The following SPATS2L variants were observed in gnomAD, a reference collection of about 807,000 sequenced individuals.
The protein encoded by SPATS2L is spermatogenesis associated serine rich 2 like.
A neutral mutation model predicts 59.6 loss-of-function variants in SPATS2L; 30 were observed. The observed-to-expected ratio is 0.50, with a 90% confidence interval of 0.38 to 0.68. The LOEUF is 0.68. Among genes scored for constraint, SPATS2L ranks in the 30% least tolerant of loss-of-function variants. The pLI is 0.00. For missense variants in SPATS2L, 615 were observed against 700.0 expected (o/e 0.88, Z 1.37); for synonymous variants, 252 against 263.5 (o/e 0.96, Z 0.42).
At chr2:200,388,157 T>G (rs1256730913) in intron 2 of SPATS2L, among the ~76,000 whole-genome samples, 2 of 152,142 alleles carry the variant, frequency 1.3e-5, no homozygotes, top group East Asian at 3.9e-4. Context: ...CATGATATGT[T>G]GGTAAGTGAA....
intron 6 of SPATS2L, among the ~76,000 whole-genome samples, chr2:200,425,484 GC>G (rs1193831317): frequency 6.6e-6 from 1 of 152,086 alleles, no homozygotes; most frequent in East Asian, 1.9e-4. Context: ...TCAAATCTTG[GC>G]CTCATCACTT....
At chr2:200,353,176 G>C (rs372573137) in intron 2 of SPATS2L, among the ~76,000 whole-genome samples, 11 of 152,200 alleles carry the variant, frequency 7.2e-5, no homozygotes, top group Non-Finnish European at 1.6e-4. Flanking sequence ...GAGGAGCAAA[G>C]AAGAGGAGAT....
At chr2:200,397,108 T>C (rs1372387902) in intron 3 of SPATS2L, among the ~76,000 whole-genome samples, 1 of 152,214 alleles carries the variant, frequency 6.6e-6, no homozygotes, top group Non-Finnish European at 1.5e-5. Context: ...CCAGGCTACA[T>C]GATCGGAATT....
chr2:200,329,529 G>A (rs1238525934), intron 2 of SPATS2L, 49 bp downstream of exon 2: 23 of 1,502,764 alleles, frequency 1.5e-5, no homozygotes, highest in African/African-American at 2.8e-5. Context: ...CTGCTGCCAT[G>A]GCCAGCTGTC....
At chr2:200,423,078 C>T (rs2106023452) in intron 6 of SPATS2L, among the ~76,000 whole-genome samples, 1 of 152,276 alleles carries the variant, frequency 6.6e-6, no homozygotes, top group East Asian at 1.9e-4. Flanking sequence ...CTGGGTAGGA[C>T]AGAGTGAGAT....
intron 3 of SPATS2L, among the ~76,000 whole-genome samples, chr2:200,399,400 G>C (rs1473279783): frequency 2.0e-5 from 3 of 152,132 alleles, no homozygotes; most frequent in South Asian, 4.1e-4. Flanking sequence ...GCACATTGCA[G>C]GGTTTCCTTT....
At chr2:200,377,859 T>G (rs2081652939) in intron 2 of SPATS2L, 1 of 152,242 alleles carries the variant, frequency 6.6e-6, no homozygotes, top group Non-Finnish European at 1.5e-5. Flanking sequence ...TTGATTGATA[T>G]GCCTGTCCTG....
At chr2:200,411,069 A>G (rs2082861380) in intron 3 of SPATS2L, among the ~76,000 whole-genome samples, 1 of 150,684 alleles carries the variant, frequency 6.6e-6, no homozygotes, top group Non-Finnish European at 1.5e-5. Flanking sequence ...GTAAAACTCA[A>G]ATATTTAGCA....
chr2:200,336,018 T>C (rs1162385313), intron 2 of SPATS2L, among the ~76,000 whole-genome samples: 1 of 152,226 alleles, frequency 6.6e-6, no homozygotes, highest in Non-Finnish European at 1.5e-5. Context: ...TTAACTGGAT[T>C]TACAAATTCT....
intron 2 of SPATS2L, among the ~76,000 whole-genome samples, chr2:200,386,114 G>A (rs1200696495): frequency 6.6e-6 from 1 of 152,184 alleles, no homozygotes; most frequent in East Asian, 1.9e-4. Flanking sequence ...GAAACAGTAA[G>A]ATTTTATTTT....
At chr2:200,471,121 G>C (rs1326029739) in intron 11 of SPATS2L, among the ~76,000 whole-genome samples, 4 of 151,838 alleles carry the variant, frequency 2.6e-5, no homozygotes, top group East Asian at 1.9e-4. Flanking sequence ...AGTGGAGATC[G>C]CACCACTGCA....
At chr2:200,382,826 G>T (rs1346921944) in intron 2 of SPATS2L, among the ~76,000 whole-genome samples, 1 of 152,170 alleles carries the variant, frequency 6.6e-6, no homozygotes, top group Non-Finnish European at 1.5e-5. Flanking sequence ...TACGTTATAA[G>T]TTCTCCAGAA....
chr2:200,462,235 G>A (rs796867540), intron 9 of SPATS2L, among the ~76,000 whole-genome samples: 25 of 152,282 alleles, frequency 1.6e-4, no homozygotes, highest in African/African-American at 6.0e-4. Context: ...AAGACCTCAG[G>A]TTTCATGTAC....
intron 8 of SPATS2L, among the ~76,000 whole-genome samples, chr2:200,458,733 T>TA (rs71022320): frequency 0.035 from 5,197 of 148,720 alleles, 95 homozygotes; most frequent in African/African-American, 0.046. Flanking sequence ...AACACACTGT[T>TA]AAAAAAAAAA....
intron 3 of SPATS2L, among the ~76,000 whole-genome samples, chr2:200,404,692 A>G (rs967418498): frequency 6.6e-6 from 1 of 152,224 alleles, no homozygotes; most frequent in Admixed American, 6.5e-5. Context: ...AGCAGCTTAA[A>G]ACAACACACA....
chr2:200,474,680 T>C (rs1220421004), intron 12 of SPATS2L, among the ~76,000 whole-genome samples: 1 of 152,202 alleles, frequency 6.6e-6, no homozygotes, highest in Non-Finnish European at 1.5e-5. Context: ...TCATAATTTC[T>C]TTAAAAACAA....
chr2:200,399,057 TC>T (rs1187077832), intron 3 of SPATS2L, among the ~76,000 whole-genome samples: 3 of 152,220 alleles, frequency 2.0e-5, no homozygotes, highest in Admixed American at 6.5e-5. Context: ...TTAATGTTTT[TC>T]TTTCTTTTTA....
chr2:200,321,873 T>A (rs918405257), intron 1 of SPATS2L, among the ~76,000 whole-genome samples: 1 of 152,208 alleles, frequency 6.6e-6, no homozygotes, highest in Non-Finnish European at 1.5e-5. Flanking sequence ...ATGACAGAGC[T>A]CTGAGGGGAG....
chr2:200,414,133 A>G lies in SPATS2L; in HGVS notation c.148+1714A>G, dbSNP rs1465223058. 2.0e-5 allele frequency among the ~76,000 whole-genome samples: 3 copies of G among 151,298 alleles called. No individual in the cohort carries two copies. The East Asian group carries it at 6.0e-4, about 30-fold the overall frequency. ...GAGGCCCCCCACGTTCCTCATCATG[A>G]AAGTTTTTATTGCAGAGTGATCTTG... On this transcript the variant is annotated intron_variant, in intron 4 of 12. Coordinates refer to ENST00000409140, the MANE Select transcript of SPATS2L (RefSeq NM_001100423.2).
Sources: gnomAD v4.1 joint callset for allele counts (sites outside exome capture counted in the v4.1 genomes callset) on GRCh38, gnomAD v4.1.1 for gene constraint, MANE v1.5 for transcripts, NCBI Gene and HGNC (gene_info 2026-07-23, HGNC 2026-07-21) for gene names.